Variants in RBM39 observed in about 807,000 individuals in gnomAD.
RBM39 encodes the protein RNA binding motif protein 39.
RBM39 carries 12 observed loss-of-function variants against 79.6 expected under a neutral mutation model. The observed-to-expected ratio is 0.15, with a 90% confidence interval of 0.10 to 0.24. The LOEUF (loss-of-function observed/expected upper bound fraction) is 0.24. Among genes scored for constraint, RBM39 ranks in the 10% least tolerant of loss-of-function variants. The probability of loss-of-function intolerance (pLI) is 1.00; values close to 1 mark genes in which losing one functional copy is unlikely to be tolerated. For synonymous variants in RBM39, 185 were observed against 208.4 expected, an observed-to-expected ratio of 0.89 and a Z score of 0.97; for missense variants, 243 against 653.4, an observed-to-expected ratio of 0.37 and a Z score of 6.85.
At chr20:35,715,027 C>G (rs1453470514) in intron 10 of RBM39, among the ~76,000 whole-genome samples, 2 of 152,120 alleles carry the variant, frequency 1.3e-5, no homozygotes, top group Non-Finnish European at 2.9e-5. Flanking sequence ...ACGTAACAGC[C>G]TAATGACCAG....
At chr20:35,704,866 A>G in intron 15 of RBM39, 120 bp from the exon 16 acceptor site, 1 of 785,798 alleles carries the variant, frequency 1.3e-6, no homozygotes, top group Non-Finnish European at 2.1e-6. Context: ...GGTTTACCAT[A>G]ATGGTTCCAC....
In RBM39 at chr20:35,703,287, TTTG is replaced by T; in HGVS notation, c.*1191_*1193del. Reference sequence around the variant, plus strand: ...GGAAACCAGTTTGAAGTTAAGCCATTTTGTTAAGTATGTATTGTAAATGGTGAA... The same window carrying T: ...GGAAACCAGTTTGAAGTTAAGCCATTTTAAGTATGTATTGTAAATGGTGAA... On this transcript the variant is annotated 3_prime_UTR_variant, in exon 17 of 17. Coordinates refer to ENST00000253363, the MANE Select transcript of RBM39 (RefSeq NM_184234.3). The T allele has an allele frequency of 6.6e-6, 1 of 152,308 alleles. No individual in the cohort carries two copies. Among genetic ancestry groups the T allele is most frequent in the South Asian group, 2.1e-4 (1 of 4,832 alleles). The allele number at this position is 152,308 out of a possible 1,614,324, so 9.4% of individuals were successfully genotyped here. A position where few individuals can be genotyped will look rare whatever the true frequency, so the allele number is the denominator to read the frequency against.
chr20:35,721,993 G>C (rs1049056036), intron 8 of RBM39, 116 bp from the exon 9 acceptor site: 6 of 1,201,928 alleles, frequency 5.0e-6, no homozygotes, highest in Non-Finnish European at 7.0e-6. Flanking sequence ...ACTACCCTAC[G>C]TAAGTCAGAT....
rs1172651660 is a variant in RBM39, at chr20:35,731,937, A to G, written c.296+4T>C. On this transcript the variant is annotated splice_donor_region_variant and intron_variant, in intron 4 of 16. Transcript: ENST00000253363. ...AAACCAAAATCATAACTATAGTTAC[A>G]TACTAAGGACTTCTGTAGCGGCCTC... The G allele has an allele frequency of 3.1e-6, 5 of 1,613,312 alleles. No individual in the cohort carries two copies. The highest frequency in any genetic ancestry group is 4.2e-6 in the Non-Finnish European group (5 of 1,179,926).
intron 12 of RBM39, among the ~76,000 whole-genome samples, chr20:35,712,423 TCTA>T (rs1441060766): frequency 3.9e-5 from 4 of 101,572 alleles, no homozygotes; most frequent in Non-Finnish European, 7.0e-5. Flanking sequence ...ACAGAGCAAG[TCTA>T]CTGTTATCCA....
chr20:35,711,183 C>T (rs1052798246), intron 12 of RBM39, among the ~76,000 whole-genome samples: 1 of 152,048 alleles, frequency 6.6e-6, no homozygotes, highest in African/African-American at 2.4e-5. Context: ...TCCCTGAAGG[C>T]AGGAAGAAAT....
At chr20:35,705,354 T>C in intron 14 of RBM39, 24 bp from the exon 15 acceptor site, 1 of 1,235,302 alleles carries the variant, frequency 8.1e-7, no homozygotes, top group Non-Finnish European at 1.2e-6. Context: ...TTAAGGACTC[T>C]TAAATACTAT....
rs2035478865 is a variant in RBM39, at chr20:35,704,407, C to T, written c.*74G>A. On this transcript the variant is annotated 3_prime_UTR_variant, in exon 17 of 17. Transcript: ENST00000253363. ...TAGATCCTTGCCTCTTTATTTTTAT[C>T]TAAATAAAAGATAACTCAAGATGAA... 9.2e-7 allele frequency: 1 copy of T among 1,089,878 alleles called. No homozygotes were observed. The highest frequency in any genetic ancestry group is 1.3e-6 in the Non-Finnish European group (1 of 749,326). The allele number at this position is 1,089,878 out of a possible 1,614,324, so 67.5% of individuals were successfully genotyped here.
intron 3 of RBM39, among the ~76,000 whole-genome samples, chr20:35,733,544 G>C (rs899248715): frequency 6.6e-6 from 1 of 152,086 alleles, no homozygotes; most frequent in Non-Finnish European, 1.5e-5. Flanking sequence ...GGGAGGCAGA[G>C]GTTGGAGTGA....
intron 6 of RBM39, among the ~76,000 whole-genome samples, chr20:35,725,916 G>A (rs368095505): frequency 3.3e-5 from 5 of 151,898 alleles, no homozygotes. Flanking sequence ...TGCCCGCCTC[G>A]GCCTCCCAAA....
rs562161634 is a variant in RBM39, at chr20:35,715,210, C to G, written c.892-821G>C. Among the ~76,000 whole-genome samples, 146 of 152,286 alleles carry G rather than the reference C, an allele frequency of 9.6e-4. 2 individuals carry two copies. Among genetic ancestry groups the G allele is most frequent in the African/African-American group, 3.5e-3 (145 of 41,546 alleles). ...CTCACACATCTGAAAAAAGTTCCAC[C>G]ATGGATGAGTTTCATATACATGAGT... On this transcript the variant is annotated intron_variant, in intron 10 of 16. Transcript: ENST00000253363.
intron 12 of RBM39, among the ~76,000 whole-genome samples, chr20:35,710,736 A>AC (rs1436456466): frequency 6.6e-6 from 1 of 152,192 alleles, no homozygotes; most frequent in Non-Finnish European, 1.5e-5. Context: ...TTTAATGACC[A>AC]CCATCTGGAG....
intron 9 of RBM39, chr20:35,720,021 G>A (rs745495444): frequency 2.3e-5 from 6 of 256,298 alleles, no homozygotes; most frequent in East Asian, 1.7e-4. Context: ...GACCTCAAGC[G>A]ATCCACTTGC....
chr20:35,717,290 A>AC, intron 9 of RBM39, among the ~76,000 whole-genome samples: 1 of 151,572 alleles, frequency 6.6e-6, no homozygotes. Flanking sequence ...AAAAAACAAA[A>AC]CAAAAACAAA....
intron 3 of RBM39, chr20:35,734,248 G>A (rs2039678438): frequency 7.7e-7 from 1 of 1,303,346 alleles, no homozygotes; most frequent in African/African-American, 1.5e-5. Flanking sequence ...CAAGGAGGCA[G>A]AAAGTTTGTC....
At chr20:35,740,956 G>A in intron 1 of RBM39, 69 bp from the exon 2 acceptor site, 1 of 1,067,578 alleles carries the variant, frequency 9.4e-7, no homozygotes, top group Admixed American at 2.1e-5. Flanking sequence ...TTTCACTCTT[G>A]TTGCCTATAT....
chr20:35,740,699 G>A lies in RBM39; in HGVS notation c.51+125C>T, dbSNP rs559778394. 30 of 1,290,596 alleles carry A rather than the reference G, an allele frequency of 2.3e-5. No individual in the cohort carries two copies. The South Asian group carries it at 2.7e-4, about 12-fold the overall frequency. 79.9% of individuals were successfully genotyped at this position (1,290,596 alleles called of 1,614,324 possible). Reference sequence around the variant, plus strand: ...ATATATTTACTTTTGTAAGTTACACGTAATGCATCTCTGATAAGATAAATC... The same window carrying A: ...ATATATTTACTTTTGTAAGTTACACATAATGCATCTCTGATAAGATAAATC... On this transcript the variant is annotated intron_variant, in intron 2 of 16. Transcript: ENST00000253363.
chr20:35,708,143 CTG>C (rs1005930042), intron 13 of RBM39, among the ~76,000 whole-genome samples: 2 of 151,054 alleles, frequency 1.3e-5, no homozygotes, highest in Non-Finnish European at 3.0e-5. Context: ...TTTAGCTTCT[CTG>C]TAACATATAA....
In RBM39 at chr20:35,718,325, C is replaced by T. The variant is rs574402280; in HGVS notation, c.826-1520G>A. Among the ~76,000 whole-genome samples the T allele has an allele frequency of 6.6e-5, 10 of 150,694 alleles. No homozygotes were observed. The East Asian group carries it at 9.7e-4, about 15-fold the overall frequency. ...GGGCTGCCTCTAGAAAAGGAGTAGT[C>T]GTGGATGAAGTGGGACTATGATAGG... On this transcript the variant is annotated intron_variant, in intron 9 of 16. Transcript: ENST00000253363.
Sources: gnomAD v4.1 joint callset for allele counts (sites outside exome capture counted in the v4.1 genomes callset) on GRCh38, gnomAD v4.1.1 for gene constraint, MANE v1.5 for transcripts, NCBI Gene and HGNC (gene_info 2026-07-23, HGNC 2026-07-21) for gene names.